Variants in GOLGA8B observed in about 807,000 individuals in gnomAD.
The protein encoded by GOLGA8B is golgin subfamily A member 8B.
Under a neutral mutation model 15.6 loss-of-function variants are expected in GOLGA8B, and 1 was observed. That is an observed-to-expected ratio of 0.06 (90% CI 0.02 to 0.30). GOLGA8B has a LOEUF of 0.30. Among genes scored for constraint, GOLGA8B ranks in the 10% least tolerant of loss-of-function variants. The pLI is 1.00. For missense variants in GOLGA8B, 17 were observed against 201.3 expected (o/e 0.08, Z 5.54); for synonymous variants, 9 against 80.3 (o/e 0.11, Z 4.75).
At chr15:34,571,868 C>T (rs1439741144) in intron 1 of GOLGA8B, among the ~76,000 whole-genome samples, 4 of 151,670 alleles carry the variant, frequency 2.6e-5, no homozygotes, top group Non-Finnish European at 5.9e-5. Flanking sequence ...TGTCTTTAAA[C>T]AAATTCAAAG....
Position 34,577,894 on chromosome 15 carries a change from G to A in GOLGA8B, c.-1123+5622C>T, listed in dbSNP as rs535922900. 3.9e-5 allele frequency among the ~76,000 whole-genome samples: 6 copies of A among 152,274 alleles called. No individual in the cohort carries two copies. The South Asian group carries it at 1.2e-3, about 32-fold the overall frequency. ...CACTAGTGCAGACTTTATAAACATTGTACAGTTAGGCTACATTTTTTTAAA... is the reference window on the plus strand; with the variant it reads ...CACTAGTGCAGACTTTATAAACATTATACAGTTAGGCTACATTTTTTTAAA... On this transcript the variant is annotated intron_variant, in intron 1 of 23. Coordinates refer to ENST00000683415, the MANE Select transcript of GOLGA8B (RefSeq NM_001023567.5).
intron 1 of GOLGA8B, among the ~76,000 whole-genome samples, chr15:34,569,718 T>G (rs1173055909): frequency 6.6e-6 from 1 of 151,452 alleles, no homozygotes; most frequent in East Asian, 1.9e-4. Context: ...GTAAAAAGTC[T>G]ATGATGTGCA....
rs1006234814 is a variant in GOLGA8B at position 34,566,679 on chromosome 15, G to A, written c.-1122-12723C>T. Among the ~76,000 whole-genome samples, 4 of 145,440 alleles carry A rather than the reference G, an allele frequency of 2.8e-5. 1 individual carries two copies. The highest frequency in any genetic ancestry group is 1.0e-4 in the African/African-American group (4 of 39,894). On this transcript the variant is annotated intron_variant, in intron 1 of 23. Coordinates refer to ENST00000683415, the MANE Select transcript of GOLGA8B (RefSeq NM_001023567.5). ...CCTGTTGACAGCACAAGCAGCTCAG[G>A]GCCAGCGGCGCAGGAAAACCCCAGG... is the stretch of plus-strand genomic sequence containing the variant.
chr15:34,580,020 G>T (rs770385689), intron 1 of GOLGA8B, among the ~76,000 whole-genome samples: 1 of 152,196 alleles, frequency 6.6e-6, no homozygotes. Flanking sequence ...TCAGGGAGCC[G>T]GCAATAGGTG....
chr15:34,574,726 G>T (rs1217636930), intron 1 of GOLGA8B: 1 of 152,438 alleles, frequency 6.6e-6, no homozygotes. Context: ...ATAATGAAGC[G>T]GGCATGGGCC....
chr15:34,531,831 TG>T, intron 12 of GOLGA8B, 129 bp downstream of exon 12: 1 of 1,047,176 alleles, frequency 9.5e-7, no homozygotes, highest in African/African-American at 1.5e-5. Context: ...CCTGTGGGGA[TG>T]GGGTGGAATC....
chr15:34,579,004 G>C (rs1228295901), intron 1 of GOLGA8B, among the ~76,000 whole-genome samples: 1 of 152,060 alleles, frequency 6.6e-6, no homozygotes, highest in Non-Finnish European at 1.5e-5. Context: ...CCACACCATG[G>C]AGTCCTTGCT....
intron 1 of GOLGA8B, among the ~76,000 whole-genome samples, chr15:34,572,064 G>C (rs1439598041): frequency 5.9e-5 from 9 of 152,332 alleles, no homozygotes; most frequent in Non-Finnish European, 1.5e-5. Context: ...GAAACAGCTT[G>C]TTATCATTCA....
chr15:34,525,768 T>G lies in GOLGA8B; in HGVS notation c.*1864A>C, dbSNP rs1223038471. On this transcript the variant is annotated 3_prime_UTR_variant, in exon 24 of 24. Coordinates refer to ENST00000683415, the MANE Select transcript of GOLGA8B (RefSeq NM_001023567.5). ...TCACAAGGACCCAATATCTGCCCTC[T>G]TTCAGTGAATGCCGGCAAATCTGTT... The G allele has an allele frequency of 2.7e-5, 4 of 149,610 alleles. 1 individual carries two copies. The highest frequency in any genetic ancestry group is 6.0e-5 in the Non-Finnish European group (4 of 67,184). 9.3% of individuals were successfully genotyped at this position (149,610 alleles called of 1,614,324 possible).
chr15:34,580,515 T>C (rs902674411), intron 1 of GOLGA8B, among the ~76,000 whole-genome samples: 2 of 151,868 alleles, frequency 1.3e-5, no homozygotes, highest in African/African-American at 4.8e-5. Context: ...TGCACGACCT[T>C]GAGGTCACCT....
At chr15:34,582,554 T>G (rs1333518419) in intron 1 of GOLGA8B, among the ~76,000 whole-genome samples, 1 of 152,230 alleles carries the variant, frequency 6.6e-6, no homozygotes, top group Non-Finnish European at 1.5e-5. Flanking sequence ...TTACGTCTGG[T>G]GCCTGCCAGG....
intron 1 of GOLGA8B, among the ~76,000 whole-genome samples, chr15:34,574,326 G>A (rs900329589): frequency 6.7e-6 from 1 of 148,986 alleles, no homozygotes; most frequent in Non-Finnish European, 1.5e-5. Context: ...TTTTGAGAGA[G>A]AGAAGTTCTC....
In GOLGA8B at chr15:34,572,133, A is replaced by C. The variant is rs190052622; in HGVS notation, c.-1123+11383T>G. The stretch of plus-strand genomic sequence containing the variant: ...CACTTCACACCCACATGACTGAATG[A>C]AACACAAAGACTGATCATGTCCAGA... On this transcript the variant is annotated intron_variant, in intron 1 of 23. Transcript: ENST00000683415. Among the ~76,000 whole-genome samples the C allele has an allele frequency of 8.5e-5, 13 of 152,374 alleles. No homozygotes were observed. In the East Asian group the frequency reaches 2.1e-3, roughly 25 times the overall value.
chr15:34,583,382 CG>C lies in GOLGA8B; in HGVS notation c.-1123+133del, dbSNP rs1566938002. 3 of 151,266 alleles carry C rather than the reference CG, an allele frequency of 2.0e-5. 1 individual carries two copies. The highest frequency in any genetic ancestry group is 4.0e-4 in the East Asian group (2 of 5,006). The allele number at this position is 151,266 out of a possible 1,614,324, so 9.4% of individuals were successfully genotyped here. ...GGCCTCCCCGCAGCCCCGCCGAGTCCGGGGGGCAGCGCTCGGGAGCTCTTGG... is the reference window on the plus strand; with the variant it reads ...GGCCTCCCCGCAGCCCCGCCGAGTCCGGGGGCAGCGCTCGGGAGCTCTTGG... On this transcript the variant is annotated intron_variant, in intron 1 of 23. Coordinates refer to ENST00000683415, the MANE Select transcript of GOLGA8B (RefSeq NM_001023567.5).
intron 1 of GOLGA8B, among the ~76,000 whole-genome samples, chr15:34,565,119 T>C (rs1350361209): frequency 7.8e-6 from 1 of 129,022 alleles, no homozygotes; most frequent in Non-Finnish European, 1.8e-5. Context: ...CAGGTCAGCC[T>C]CTTAGATCCA....
chr15:34,581,756 G>C lies in GOLGA8B; in HGVS notation c.-1123+1760C>G, dbSNP rs1889242183. Reference sequence around the variant, plus strand: ...TCCTGCTCACACACACTCACACTCCGTGGGACTCAGCCTGCAGCTTCTCCC... The same window carrying C: ...TCCTGCTCACACACACTCACACTCCCTGGGACTCAGCCTGCAGCTTCTCCC... On this transcript the variant is annotated intron_variant, in intron 1 of 23. Transcript: ENST00000683415. Among the ~76,000 whole-genome samples the C allele has an allele frequency of 2.6e-5, 4 of 152,048 alleles. No individual in the cohort carries two copies. In the South Asian group the frequency reaches 8.3e-4, roughly 32 times the overall value.
At chr15:34,583,297 G>A (rs1216038153) in intron 1 of GOLGA8B, among the ~76,000 whole-genome samples, 1 of 152,104 alleles carries the variant, frequency 6.6e-6, no homozygotes, top group Non-Finnish European at 1.5e-5. Context: ...GTCGTGGGAG[G>A]AGGATGGGCC....
At chr15:34,572,863 G>T (rs1229521078) in intron 1 of GOLGA8B, among the ~76,000 whole-genome samples, 1 of 152,114 alleles carries the variant, frequency 6.6e-6, no homozygotes, top group East Asian at 1.9e-4. Flanking sequence ...ATGGAGCCAG[G>T]GTCCTTCTCA....
At chr15:34,556,857 C>G in intron 1 of GOLGA8B, 2 of 713,290 alleles carry the variant, frequency 2.8e-6, no homozygotes, top group Non-Finnish European at 4.7e-6. Context: ...CAGAGGGGCC[C>G]TAGAGCAAGG....
Sources: allele counts gnomAD v4.1 joint callset (sites outside exome capture counted in the v4.1 genomes callset), GRCh38; gene constraint gnomAD v4.1.1; transcripts MANE v1.5; gene names NCBI Gene and HGNC (gene_info 2026-07-23, HGNC 2026-07-21).